The following SCN7A variants were observed in gnomAD, a reference collection of about 807,000 sequenced individuals.
The protein encoded by SCN7A is sodium voltage-gated channel alpha subunit 7, also known as sodium channel protein type 7 subunit alpha.
SCN7A carries 138 observed loss-of-function variants against 155.2 expected under a neutral mutation model. The ratio of observed to expected loss-of-function variants is 0.89; its 90% CI spans 0.77 to 1.02. The LOEUF (loss-of-function observed/expected upper bound fraction) is 1.02. SCN7A is among the 50% of genes least tolerant of loss of function. The pLI is 0.00. For missense variants in SCN7A, 2,058 were observed against 1,986.6 expected (o/e 1.04, Z -0.68); for synonymous variants, 693 against 649.0 (o/e 1.07, Z -1.03).
At position 166,404,606 on chromosome 2, in the gene SCN7A, T is replaced by C. The variant is rs1343381502; in HGVS notation, c.*974A>G. 1 of 151,786 alleles carries C rather than the reference T, an allele frequency of 6.6e-6. No homozygotes were observed. The highest frequency in any genetic ancestry group is 2.4e-5 in the African/African-American group (1 of 41,360). The allele number at this position is 151,786 out of a possible 1,614,324, so 9.4% of individuals were successfully genotyped here. A position where few individuals can be genotyped will look rare whatever the true frequency, so the allele number is the denominator to read the frequency against. On this transcript the variant is annotated 3_prime_UTR_variant, in exon 26 of 26. Transcript: ENST00000643258. ...ACTTTCCAATTAAGGGCCAAGACACTATGAGAATCCCTATACATAATGGTA... is the reference window on the plus strand; with the variant it reads ...ACTTTCCAATTAAGGGCCAAGACACCATGAGAATCCCTATACATAATGGTA...
intron 6 of SCN7A, among the ~76,000 whole-genome samples, chr2:166,471,299 G>A (rs1425516593): frequency 6.6e-6 from 1 of 151,846 alleles, no homozygotes; most frequent in East Asian, 1.9e-4. Flanking sequence ...TTCCTCAACT[G>A]TAAAGTGGGG....
intron 14 of SCN7A, among the ~76,000 whole-genome samples, chr2:166,443,237 T>G (rs190752977): frequency 6.6e-6 from 1 of 152,340 alleles, no homozygotes; most frequent in Admixed American, 6.5e-5. Context: ...CTTTCCAAAA[T>G]GTACTCAGTT....
rs1313015054 is a variant in SCN7A at position 166,410,049 on chromosome 2, C to A, written c.3712-114G>T. 2.4e-6 allele frequency: 3 copies of A among 1,256,164 alleles called. No individual in the cohort carries two copies. In the Admixed American group the frequency reaches 8.9e-5, roughly 37 times the overall value. 77.8% of individuals were successfully genotyped at this position (1,256,164 alleles called of 1,614,324 possible). ...AAAATAAATGAGAATAAGTGTGAAC[C>A]TAAATTTTTGCCAAACTATAACATA... On this transcript the variant is annotated intron_variant, in intron 24 of 25. Coordinates refer to ENST00000643258, the MANE Select transcript of SCN7A (RefSeq NM_002976.4).
intron 21 of SCN7A, among the ~76,000 whole-genome samples, chr2:166,415,086 G>A (rs1436374499): frequency 2.0e-5 from 3 of 147,140 alleles, no homozygotes; most frequent in Non-Finnish European, 4.5e-5. Context: ...AGGGAAGCCT[G>A]ACTAATACAT....
At chr2:166,458,574 G>A (rs1449958904) in intron 10 of SCN7A, among the ~76,000 whole-genome samples, 2 of 152,078 alleles carry the variant, frequency 1.3e-5, no homozygotes, top group East Asian at 3.9e-4. Flanking sequence ...ATACAACAGT[G>A]ATCTCAAAAG....
At chr2:166,469,927 T>C (rs972200406) in intron 7 of SCN7A, among the ~76,000 whole-genome samples, 1 of 151,962 alleles carries the variant, frequency 6.6e-6, no homozygotes, top group Non-Finnish European at 1.5e-5. Flanking sequence ...GCTTTTATTA[T>C]ATTCCTCCTT....
intron 11 of SCN7A, among the ~76,000 whole-genome samples, chr2:166,455,736 T>C (rs1441789338): frequency 6.6e-6 from 1 of 152,160 alleles, no homozygotes; most frequent in African/African-American, 2.4e-5. Flanking sequence ...CCTAGTTTAT[T>C]GAGTGTTTTT....
At chr2:166,422,961 A>G (rs566686368) in intron 19 of SCN7A, among the ~76,000 whole-genome samples, 6 of 152,124 alleles carry the variant, frequency 3.9e-5, no homozygotes, top group Non-Finnish European at 8.8e-5. Flanking sequence ...CAACAGAAGA[A>G]CTTAAAGATT....
chr2:166,457,179 T>C (rs919649130), intron 10 of SCN7A, 103 bp from the exon 11 acceptor site: 9 of 758,226 alleles, frequency 1.2e-5, no homozygotes, highest in African/African-American at 7.1e-5. Context: ...GAAAATAATA[T>C]AGTCATAAAT....
intron 20 of SCN7A, among the ~76,000 whole-genome samples, chr2:166,418,704 C>G (rs1369917151): frequency 6.6e-6 from 1 of 151,894 alleles, no homozygotes; most frequent in Admixed American, 6.6e-5. Context: ...TTGAAAGGTC[C>G]ATTAATTGTT....
intron 15 of SCN7A, among the ~76,000 whole-genome samples, chr2:166,439,657 T>A (rs1392049606): frequency 2.6e-5 from 4 of 152,124 alleles, no homozygotes; most frequent in Non-Finnish European, 5.9e-5. Context: ...TAGAGTGGTG[T>A]TTTTTATCAC....
At chr2:166,445,330 AAAGG>A (rs985406129) in intron 12 of SCN7A, among the ~76,000 whole-genome samples, 20 of 150,548 alleles carry the variant, frequency 1.3e-4, no homozygotes, top group South Asian at 4.3e-4. Flanking sequence ...AAGAAGGAAA[AAAGG>A]AAGGAAGGAA....
chr2:166,424,029 C>T (rs1365858962), intron 18 of SCN7A, among the ~76,000 whole-genome samples: 1 of 151,962 alleles, frequency 6.6e-6, no homozygotes, highest in Admixed American at 6.6e-5. Context: ...AATATTTTAG[C>T]ACTGAAAACA....
rs62622799 is a variant in SCN7A, at chr2:166,409,937, T to C, written c.3712-2A>G. On this transcript the variant is annotated splice_acceptor_variant, in intron 24 of 25. Transcript: ENST00000643258. LOFTEE classifies it high-confidence loss of function. ...AAAGATGAATCCTTGGAGCTTGTTC[T>C]GTGGGTAAAATCAACAGGTGTAATA... 23,195 of 1,555,312 alleles carry C rather than the reference T, an allele frequency of 0.015. 224 individuals carry two copies. Among genetic ancestry groups the C allele is most frequent in the Non-Finnish European group, 0.017 (19,929 of 1,148,786 alleles).
chr2:166,437,553 C>T (rs962595500), intron 15 of SCN7A, among the ~76,000 whole-genome samples: 2 of 152,086 alleles, frequency 1.3e-5, no homozygotes, highest in African/African-American at 4.8e-5. Flanking sequence ...TCCTCCAGAC[C>T]CCATAATGGT....
At chr2:166,486,264 C>A (rs995318851) in intron 2 of SCN7A, among the ~76,000 whole-genome samples, 1 of 152,152 alleles carries the variant, frequency 6.6e-6, no homozygotes, top group African/African-American at 2.4e-5. Context: ...GAACTAAGCT[C>A]ATAGATCCAC....
At chr2:166,435,367 T>A (rs757521892) in intron 15 of SCN7A, among the ~76,000 whole-genome samples, 2 of 152,112 alleles carry the variant, frequency 1.3e-5, no homozygotes, top group African/African-American at 2.4e-5. Flanking sequence ...AGTAACTTTA[T>A]TCTAGTCACA....
At chr2:166,473,052 G>GA (rs1413663220) in intron 5 of SCN7A, among the ~76,000 whole-genome samples, 2 of 151,604 alleles carry the variant, frequency 1.3e-5, no homozygotes, top group South Asian at 2.1e-4. Context: ...AGAGGATCAT[G>GA]AAAAAAATAA....
chr2:166,420,246 C>T (rs1701483031), intron 20 of SCN7A, among the ~76,000 whole-genome samples: 1 of 151,832 alleles, frequency 6.6e-6, no homozygotes, highest in African/African-American at 2.4e-5. Flanking sequence ...TAATTAATAA[C>T]AGTTTAAATG....
Sources: gnomAD v4.1 joint callset for allele counts (sites outside exome capture counted in the v4.1 genomes callset) on GRCh38, gnomAD v4.1.1 for gene constraint, MANE v1.5 for transcripts, NCBI Gene and HGNC (gene_info 2026-07-23, HGNC 2026-07-21) for gene names.